SEC14L6: variants seen among roughly 807,000 people sequenced by gnomAD.
SEC14L6 encodes SEC14-like protein 6.
A neutral mutation model predicts 54.1 loss-of-function variants in SEC14L6; 40 were observed. The ratio of observed to expected loss-of-function variants is 0.74; its 90% CI spans 0.57 to 0.96. The LOEUF (loss-of-function observed/expected upper bound fraction) is 0.96, where lower values mean the gene tolerates loss of function less well. Ranked by LOEUF, SEC14L6 falls within the 40% of genes least tolerant of loss-of-function variation. The pLI, the probability that SEC14L6 is intolerant of heterozygous loss-of-function variation, is 0.00. For synonymous variants in SEC14L6, 171 were observed against 198.4 expected (o/e 0.86, Z 1.16); for missense variants, 471 against 498.3 (o/e 0.95, Z 0.52).
At position 30,525,685 on chromosome 22, in the gene SEC14L6, C is replaced by T. The variant is rs777706361; in HGVS notation, c.837G>A (p.Glu279=). The change falls in exon 10 of 12, where the codon GAG becomes GAA. Residue 279 remains glutamate (E), a synonymous_variant. Coordinates refer to ENST00000402034, the MANE Select transcript of SEC14L6 (RefSeq NM_001193336.4). ...YLCKQVRLQY[E]HTRSVGRGSS... Reference sequence around the variant, plus strand: ...AGCCGCGGCCCACGGACCTCGTGTGCTCATACTGCAGCCTCACCTGCTTGC... The same window carrying T: ...AGCCGCGGCCCACGGACCTCGTGTGTTCATACTGCAGCCTCACCTGCTTGC... 32 of 1,613,578 alleles carry T rather than the reference C, an allele frequency of 2.0e-5. No homozygotes were observed. In the East Asian group the frequency reaches 6.7e-4, roughly 34 times the overall value.
intron 6 of SEC14L6, among the ~76,000 whole-genome samples, chr22:30,531,410 AAAAAGAAAAG>A (rs372813171): frequency 8.0e-5 from 12 of 149,766 alleles, no homozygotes; most frequent in Non-Finnish European, 1.5e-4. Flanking sequence ...CTGTCTCAAA[AAAAAGAAAAG>A]AAAAGAAAAG....
chr22:30,543,539 G>C (rs1463499299), intron 1 of SEC14L6: 2 of 1,613,442 alleles, frequency 1.2e-6, no homozygotes, highest in Admixed American at 3.3e-5. Context: ...TCTGCCCACA[G>C]GGATGATGTG....
chr22:30,546,687 C>A lies in SEC14L6; in HGVS notation c.-5G>T, dbSNP rs1300084038. 6.5e-7 allele frequency: 1 copy of A among 1,550,310 alleles called. No homozygotes were observed. Among genetic ancestry groups the A allele is most frequent in the Admixed American group, 2.0e-5 (1 of 51,004 alleles). ...GTCACCCACTTGTCCACTCATGCTG[C>A]CCATGAATGGGTCCAGGCTCCACTC... On this transcript the variant is annotated 5_prime_UTR_variant, in exon 1 of 12. Transcript: ENST00000402034.
At chr22:30,525,145 C>A in intron 11 of SEC14L6, 36 bp from the exon 12 acceptor site, 1 of 1,338,172 alleles carries the variant, frequency 7.5e-7, no homozygotes. Context: ...CAAGATGCCC[C>A]ACCTGGGACT....
At chr22:30,527,081 CAG>C (rs1299460307) in intron 8 of SEC14L6, among the ~76,000 whole-genome samples, 2 of 151,848 alleles carry the variant, frequency 1.3e-5, no homozygotes, top group South Asian at 2.1e-4. Flanking sequence ...CTGGGAAACA[CAG>C]AGAGACCTTA....
rs1936669645 is a variant in SEC14L6, at chr22:30,523,453, C to G, written c.*1544G>C. 1 of 152,188 alleles carries G rather than the reference C, an allele frequency of 6.6e-6. No individual in the cohort carries two copies. Among genetic ancestry groups the G allele is most frequent in the Admixed American group, 6.6e-5 (1 of 15,258 alleles). The allele number at this position is 152,188 out of a possible 1,614,324, so 9.4% of individuals were successfully genotyped here. Reference sequence around the variant, plus strand: ...CACTGCAACCTCCGCCTCCTGGGTTCCACAGATTCTCCCACCTCAGCCTCC... The same window carrying G: ...CACTGCAACCTCCGCCTCCTGGGTTGCACAGATTCTCCCACCTCAGCCTCC... On this transcript the variant is annotated 3_prime_UTR_variant, in exon 12 of 12. Coordinates refer to ENST00000402034, the MANE Select transcript of SEC14L6 (RefSeq NM_001193336.4).
intron 6 of SEC14L6, among the ~76,000 whole-genome samples, chr22:30,531,673 G>A (rs980299921): frequency 2.6e-5 from 4 of 152,292 alleles, no homozygotes; most frequent in East Asian, 1.9e-4. Context: ...GTAGTGAGCC[G>A]AGATCACGCC....
At chr22:30,544,255 G>A (rs2085775531) in intron 1 of SEC14L6, 1 of 527,398 alleles carries the variant, frequency 1.9e-6, no homozygotes, top group Non-Finnish European at 3.4e-6. Flanking sequence ...CTCTCCAGCA[G>A]CCACGGCCCC....
intron 1 of SEC14L6, among the ~76,000 whole-genome samples, chr22:30,539,244 G>A (rs1025078535): frequency 8.5e-5 from 13 of 152,094 alleles, no homozygotes; most frequent in African/African-American, 2.9e-4. Context: ...GGGCGTGGTG[G>A]CAGGTGCCTG....
chr22:30,534,281 C>T (rs1424656366), intron 2 of SEC14L6, among the ~76,000 whole-genome samples: 1 of 152,144 alleles, frequency 6.6e-6, no homozygotes, highest in Non-Finnish European at 1.5e-5. Flanking sequence ...TCCTGTTGTT[C>T]CAGAAAAGTC....
intron 1 of SEC14L6, chr22:30,542,834 C>T (rs541621992): frequency 6.3e-7 from 1 of 1,596,702 alleles, no homozygotes; most frequent in African/African-American, 1.3e-5. Context: ...GGCCACTTCC[C>T]CCGGGTAACA....
chr22:30,541,920 G>C (rs1472735242), intron 1 of SEC14L6, among the ~76,000 whole-genome samples: 1 of 152,226 alleles, frequency 6.6e-6, no homozygotes, highest in Non-Finnish European at 1.5e-5. Context: ...AACACATTCA[G>C]CCATTTTCTA....
In SEC14L6 at chr22:30,531,181, G is replaced by A. The variant is rs1323690687; in HGVS notation, c.519+722C>T. On this transcript the variant is annotated intron_variant, in intron 6 of 11. Transcript: ENST00000402034. ...CCAGCACTTTGGGAGGGTAAGGCAGGCAGATCACCTGAGGTCAGGAGTTCA... is the reference window on the plus strand; with the variant it reads ...CCAGCACTTTGGGAGGGTAAGGCAGACAGATCACCTGAGGTCAGGAGTTCA... 5.3e-5 allele frequency among the ~76,000 whole-genome samples: 8 copies of A among 152,246 alleles called. No homozygotes were observed. In the East Asian group the frequency reaches 1.5e-3, roughly 29 times the overall value.
intron 2 of SEC14L6, among the ~76,000 whole-genome samples, chr22:30,537,955 C>A (rs533139327): frequency 8.5e-5 from 13 of 152,292 alleles, no homozygotes; most frequent in African/African-American, 3.1e-4. Flanking sequence ...TAATTGAAAT[C>A]TTTAAACCAA....
At chr22:30,540,908 A>G (rs1480644275) in intron 1 of SEC14L6, among the ~76,000 whole-genome samples, 1 of 151,380 alleles carries the variant, frequency 6.6e-6, no homozygotes, top group Non-Finnish European at 1.5e-5. Context: ...AATCAAAGCT[A>G]CTCAGGAGGC....
rs534242454 is a variant in SEC14L6 at position 30,524,811 on chromosome 22, C to T, written c.*186G>A. On this transcript the variant is annotated 3_prime_UTR_variant, in exon 12 of 12. Transcript: ENST00000402034. ...GTCTGTGTTGCTTTGCTGTGACCAT[C>T]GGGCCACCACTAGGACACTGTCCCA... 16 of 559,706 alleles carry T rather than the reference C, an allele frequency of 2.9e-5. No homozygotes were observed. Among genetic ancestry groups the T allele is most frequent in the South Asian group, 2.1e-4 (10 of 47,022 alleles). The allele number at this position is 559,706 out of a possible 1,614,324, so 34.7% of individuals were successfully genotyped here.
intron 1 of SEC14L6, chr22:30,543,724 C>T: frequency 6.3e-7 from 1 of 1,599,290 alleles, no homozygotes; most frequent in South Asian, 1.1e-5. Context: ...GCTGGTGGCC[C>T]TACTGATGGA....
chr22:30,544,965 C>T (rs565133810), intron 1 of SEC14L6, among the ~76,000 whole-genome samples: 4 of 152,116 alleles, frequency 2.6e-5, no homozygotes, highest in Admixed American at 6.6e-5. Context: ...AGCGCCCGGT[C>T]GCCACCCTTC....
At chr22:30,532,764 A>G (rs1937026379) in intron 4 of SEC14L6, 33 bp downstream of exon 4, 2 of 1,606,762 alleles carry the variant, frequency 1.2e-6, no homozygotes, top group Admixed American at 1.7e-5. Flanking sequence ...CTGAGGGCCC[A>G]GGGATCAGGG....
Sources: allele counts gnomAD v4.1 joint callset (sites outside exome capture counted in the v4.1 genomes callset), GRCh38; gene constraint gnomAD v4.1.1; transcripts MANE v1.5; gene names NCBI Gene and HGNC (gene_info 2026-07-23, HGNC 2026-07-21).